Variants in FHIT observed in about 807,000 individuals in gnomAD.
FHIT encodes bis(5'-adenosyl)-triphosphatase.
In FHIT, 19 loss-of-function variants were observed where a neutral mutation model predicts 17.9. The ratio of observed to expected loss-of-function variants is 1.06; its 90% CI spans 0.74 to 1.56. The LOEUF (loss-of-function observed/expected upper bound fraction) is 1.56. Ranked by LOEUF, FHIT falls within the 40% of genes most tolerant of loss-of-function variation. The pLI is 0.00. For synonymous variants in FHIT, 81 were observed against 69.7 expected (o/e 1.16, Z -0.81); for missense variants, 248 against 189.2 (o/e 1.31, Z -1.82).
chr3:60,735,609 T>C (rs1553712379), intron 4 of FHIT, among the ~76,000 whole-genome samples: 1 of 152,198 alleles, frequency 6.6e-6, no homozygotes, highest in Non-Finnish European at 1.5e-5. Flanking sequence ...AGTGAGACCA[T>C]GCCTATGCGT....
At chr3:60,229,867 A>C (rs868011151) in intron 5 of FHIT, among the ~76,000 whole-genome samples, 1 of 152,176 alleles carries the variant, frequency 6.6e-6, no homozygotes, top group Admixed American at 6.5e-5. Flanking sequence ...CTATAATCCC[A>C]GCTTCTCAAG....
intron 5 of FHIT, among the ~76,000 whole-genome samples, chr3:60,459,899 C>G (rs2032349818): frequency 6.6e-6 from 1 of 152,104 alleles, no homozygotes; most frequent in Non-Finnish European, 1.5e-5. Flanking sequence ...GCAGGGCAAT[C>G]TACTGCCATA....
intron 3 of FHIT, among the ~76,000 whole-genome samples, chr3:60,903,589 T>C (rs1316547105): frequency 2.6e-5 from 4 of 152,232 alleles, no homozygotes; most frequent in African/African-American, 4.8e-5. Context: ...TACATTCCTT[T>C]ATACATAATT....
chr3:60,287,408 A>G (rs753889579), intron 5 of FHIT, among the ~76,000 whole-genome samples: 6 of 152,110 alleles, frequency 3.9e-5, no homozygotes, highest in Non-Finnish European at 5.9e-5. Flanking sequence ...GCCTCAGGTG[A>G]CCTGCTGGCC....
chr3:61,051,221 T>C (rs2034012623), intron 2 of FHIT, among the ~76,000 whole-genome samples: 1 of 152,130 alleles, frequency 6.6e-6, no homozygotes, highest in African/African-American at 2.4e-5. Context: ...AGGCATCTCC[T>C]GCTTTGGCTC....
intron 4 of FHIT, among the ~76,000 whole-genome samples, chr3:60,590,022 A>G (rs905089936): frequency 1.3e-5 from 2 of 152,096 alleles, no homozygotes; most frequent in African/African-American, 4.8e-5. Context: ...CCAAGAGAGG[A>G]CACATCTACA....
intron 3 of FHIT, among the ~76,000 whole-genome samples, chr3:60,838,470 TCAAAAA>T (rs564398391): frequency 8.5e-5 from 13 of 152,078 alleles, no homozygotes; most frequent in African/African-American, 2.4e-4. Flanking sequence ...AGACTCCGTC[TCAAAAA>T]CAAAAACAAA....
chr3:60,794,549 T>C lies in FHIT; in HGVS notation c.-18+27370A>G, dbSNP rs146573376. Among the ~76,000 whole-genome samples, 227 of 152,322 alleles carry C rather than the reference T, an allele frequency of 1.5e-3. 1 individual carries two copies. Among genetic ancestry groups the C allele is most frequent in the African/African-American group, 5.1e-3 (210 of 41,570 alleles). On this transcript the variant is annotated intron_variant, in intron 4 of 9. Transcript: ENST00000492590. ...AGATAGATATATAGCTATTTATGGATGGATTGACAGTTCACACATAGCTCT... is the reference window on the plus strand; with the variant it reads ...AGATAGATATATAGCTATTTATGGACGGATTGACAGTTCACACATAGCTCT...
intron 1 of FHIT, among the ~76,000 whole-genome samples, chr3:61,250,742 C>T (rs2040602554): frequency 6.6e-6 from 1 of 151,962 alleles, no homozygotes; most frequent in Admixed American, 6.6e-5. Context: ...TAAGAAAGTC[C>T]GACCAAGTAC....
At chr3:60,789,322 T>C (rs2108115870) in intron 4 of FHIT, among the ~76,000 whole-genome samples, 1 of 151,774 alleles carries the variant, frequency 6.6e-6, no homozygotes. Flanking sequence ...ATCGATACCA[T>C]CCTGGGCAAC....
At position 60,569,308 on chromosome 3, in the gene FHIT, A is replaced by T. The variant is rs1206278042; in HGVS notation, c.-17-32329T>A. Among the ~76,000 whole-genome samples the T allele has an allele frequency of 2.0e-5, 3 of 152,098 alleles. 1 individual carries two copies. Among genetic ancestry groups the T allele is most frequent in the Admixed American group, 2.0e-4 (3 of 15,240 alleles). ...TTCTAAGGATACCTCCTGGCCACCA[A>T]AGGACACTGGCGTGGTTTATTTCAG... On this transcript the variant is annotated intron_variant, in intron 4 of 9. Coordinates refer to ENST00000492590, the MANE Select transcript of FHIT (RefSeq NM_002012.4).
At chr3:60,353,270 A>G (rs141478358) in intron 5 of FHIT, among the ~76,000 whole-genome samples, 2,691 of 152,252 alleles carry the variant, frequency 0.018, 32 homozygotes, top group Middle Eastern at 0.058. Flanking sequence ...CATTAAAAAA[A>G]GTGGGGTGCT....
intron 3 of FHIT, among the ~76,000 whole-genome samples, chr3:60,885,759 C>CTTTTCCCAAAA (rs879980384): frequency 3.9e-5 from 6 of 152,144 alleles, no homozygotes; most frequent in Non-Finnish European, 7.4e-5. Context: ...ACCTGGAGTA[C>CTTTTCCCAAAA]TTTTCCCAAA....
At chr3:60,704,184 C>A (rs964484768) in intron 4 of FHIT, among the ~76,000 whole-genome samples, 2 of 152,044 alleles carry the variant, frequency 1.3e-5, no homozygotes, top group Non-Finnish European at 2.9e-5. Context: ...TCTAAACAAA[C>A]CAAAGCAAAT....
In FHIT at chr3:59,839,318, CAA is replaced by C. The variant is rs11288370; in HGVS notation, c.348+83026_348+83027del. On this transcript the variant is annotated intron_variant, in intron 8 of 9. Transcript: ENST00000492590. ...GGGCAACAGAGCGAGACTTCATTTT[CAA>C]AAAAAAAAAAACAAAAAGAAAAGAA... Among the ~76,000 whole-genome samples, 91 of 132,542 alleles carry C rather than the reference CAA, an allele frequency of 6.9e-4. 2 individuals are homozygous for C. Among genetic ancestry groups the C allele is most frequent in the East Asian group, 5.6e-3 (26 of 4,648 alleles). The allele number at this position is 132,542 out of a possible 152,430, so 87.0% of individuals were successfully genotyped here.
intron 7 of FHIT, among the ~76,000 whole-genome samples, chr3:59,994,328 T>C (rs1052512333): frequency 6.6e-6 from 1 of 152,086 alleles, no homozygotes; most frequent in Non-Finnish European, 1.5e-5. Flanking sequence ...TTAGGGAAGG[T>C]GCATAAACCT....
At chr3:59,970,852 C>CA (rs1708145659) in intron 7 of FHIT, among the ~76,000 whole-genome samples, 1 of 139,356 alleles carries the variant, frequency 7.2e-6, no homozygotes, top group Admixed American at 7.3e-5. Context: ...TTTTTTTTTT[C>CA]ATTTCTAAAA....
At chr3:60,881,303 T>G (rs1575637815) in intron 3 of FHIT, among the ~76,000 whole-genome samples, 1 of 152,298 alleles carries the variant, frequency 6.6e-6, no homozygotes, top group East Asian at 1.9e-4. Context: ...TTAAATAGTA[T>G]TCAATCCAAA....
chr3:60,297,166 A>G (rs1015963505), intron 5 of FHIT, among the ~76,000 whole-genome samples: 2 of 152,078 alleles, frequency 1.3e-5, no homozygotes, highest in Non-Finnish European at 2.9e-5. Context: ...AATCTTGTCT[A>G]TATCTACTAA....
Sources: gnomAD v4.1 joint callset for allele counts (sites outside exome capture counted in the v4.1 genomes callset) on GRCh38, gnomAD v4.1.1 for gene constraint, MANE v1.5 for transcripts, NCBI Gene and HGNC (gene_info 2026-07-23, HGNC 2026-07-21) for gene names.